The following ZNF543 variants were observed in gnomAD, a reference collection of about 807,000 sequenced individuals.
The protein encoded by ZNF543 is zinc finger protein 543.
A neutral mutation model predicts 13.4 loss-of-function variants in ZNF543; 10 were observed. The ratio of observed to expected loss-of-function variants is 0.75; its 90% CI spans 0.46 to 1.26. The LOEUF (loss-of-function observed/expected upper bound fraction) is 1.26. Ranked by LOEUF, ZNF543 falls within the 50% of genes most tolerant of loss-of-function variation. ZNF543 has a pLI of 0.00. For missense variants in ZNF543, 768 were observed against 741.2 expected (o/e 1.04, Z -0.42); for synonymous variants, 272 against 264.7 (o/e 1.03, Z -0.27).
At position 57,328,796 on chromosome 19, in the gene ZNF543, A is replaced by G. The variant is rs781016493; in HGVS notation, c.1334A>G (p.His445Arg). The G allele has an allele frequency of 6.2e-7, 1 of 1,614,136 alleles. No homozygotes were observed. The highest frequency in any genetic ancestry group is 8.5e-7 in the Non-Finnish European group (1 of 1,180,022). ...ACTTTTGTCTTGCATAAAAGGACCC[A>G]CACAGGAGAAAAACCCTATGAATGC... The part of the protein sequence containing the change: ...CSTFVLHKRT[H>R]TGEKPYECKE... The change falls in exon 4 of 4, where the codon CAC (histidine) becomes CGC (arginine). Residue 445 changes from histidine (H) to arginine (R), a missense_variant. By Grantham distance (29) the His-to-Arg change is conservative. This residue lies in a region of ZNF543 where 677 missense variants were observed against 631.4 expected (regional missense o/e 1.07). Transcript: ENST00000321545.
chr19:57,323,481 C>T (rs1262581667), intron 1 of ZNF543: 9 of 614,326 alleles, frequency 1.5e-5, no homozygotes, highest in Non-Finnish European at 2.6e-5. Flanking sequence ...CGTGAGCCAC[C>T]GCGCCTGACC....
Position 57,328,716 on chromosome 19 carries a change from T to C in ZNF543, c.1254T>C (p.Thr418=). ...TCAAGCAGCATCAACGGATTCACAC[T>C]GGGGAGAAGCCTTATGAATGCAGTG... The part of the protein sequence containing the change: ...SHLKQHQRIH[T]GEKPYECSEC... Residue 418 remains threonine (T), a synonymous_variant, in exon 4 of 4, where the codon ACT becomes ACC. Transcript: ENST00000321545. 6.2e-7 allele frequency: 1 copy of C among 1,613,796 alleles called. No individual in the cohort carries two copies. Among genetic ancestry groups the C allele is most frequent in the South Asian group, 1.1e-5 (1 of 91,062 alleles).
chr19:57,322,555 TCATTAACTGTG>T (rs1283432314), intron 1 of ZNF543, among the ~76,000 whole-genome samples: 1 of 152,062 alleles, frequency 6.6e-6, no homozygotes, highest in East Asian at 1.9e-4. Context: ...TTTCCCATCC[TCATTAACTGTG>T]CATTAACTTT....
At position 57,329,276 on chromosome 19, in the gene ZNF543, C is replaced by G. The variant is rs1337467643; in HGVS notation, c.*11C>G. On this transcript the variant is annotated 3_prime_UTR_variant, in exon 4 of 4. Coordinates refer to ENST00000321545, the MANE Select transcript of ZNF543 (RefSeq NM_213598.4). ...GAAAATCTGTGGTGAAAGGGAACAT[C>G]TTACCATCTGGCCATTCACACTGAA... 3 of 1,584,842 alleles carry G rather than the reference C, an allele frequency of 1.9e-6. No individual in the cohort carries two copies. In the African/African-American group the frequency reaches 4.1e-5, roughly 21 times the overall value.
At chr19:57,324,950 C>T (rs750156983) in intron 2 of ZNF543, among the ~76,000 whole-genome samples, 3 of 152,070 alleles carry the variant, frequency 2.0e-5, no homozygotes, top group Non-Finnish European at 1.5e-5. Context: ...ATTTAAATTG[C>T]TTGGCATATT....
Position 57,328,503 on chromosome 19 carries a change from C to T in ZNF543, c.1041C>T (p.Ala347=). ...KPYECIECGK[A]FNRRSYLTWH... ...ATGAGTGCATTGAGTGTGGGAAGGC[C>T]TTCAACCGCCGGTCATACCTCACGT... The change falls in exon 4 of 4, where the codon GCC becomes GCT. Residue 347 remains alanine (A), a synonymous_variant. Transcript: ENST00000321545. 6.2e-7 allele frequency: 1 copy of T among 1,613,746 alleles called. No individual in the cohort carries two copies. Among genetic ancestry groups the T allele is most frequent in the Non-Finnish European group, 8.5e-7 (1 of 1,179,924 alleles).
Position 57,326,703 on chromosome 19 carries a change from A to T in ZNF543, c.216A>T (p.Lys72Asn). 6.2e-7 allele frequency: 1 copy of T among 1,613,934 alleles called. No homozygotes were observed. The highest frequency in any genetic ancestry group is 8.5e-7 in the Non-Finnish European group (1 of 1,179,980). ...DHRQELWMAT[K>N]DLSQSSYPGD... ...GACAGGAGCTATGGATGGCTACAAA[A>T]GACCTCTCCCAAAGCTCCTATCCAG... Residue 72 changes from lysine (K) to asparagine (N), a missense_variant, in exon 3 of 4, where the codon AAA becomes AAT. By Grantham distance (94) the Lys-to-Asn change is moderately conservative. Transcript: ENST00000321545.
At chr19:57,324,349 C>T (rs1452800861) in intron 2 of ZNF543, among the ~76,000 whole-genome samples, 1 of 126,920 alleles carries the variant, frequency 7.9e-6, no homozygotes, top group Non-Finnish European at 1.6e-5. Flanking sequence ...AGAGAGACTC[C>T]GTCTGAAAAA....
Position 57,328,714 on chromosome 19 carries a change from A to C in ZNF543, c.1252A>C (p.Thr418Pro). Residue 418 changes from threonine (T) to proline (P), a missense_variant, in exon 4 of 4, where the codon ACT (threonine) becomes CCT (proline). Thr to Pro is a conservative substitution (Grantham distance 38, BLOSUM62 -1). Around this residue, in one of 3 missense-constraint regions of ZNF543, gnomAD observed 677 missense variants for 631.4 expected, o/e 1.07. Transcript: ENST00000321545. ...CCTCAAGCAGCATCAACGGATTCACACTGGGGAGAAGCCTTATGAATGCAG... is the reference window on the plus strand; with the variant it reads ...CCTCAAGCAGCATCAACGGATTCACCCTGGGGAGAAGCCTTATGAATGCAG... ...SHLKQHQRIH[T>P]GEKPYECSEC... 6.2e-7 allele frequency: 1 copy of C among 1,613,910 alleles called. No individual in the cohort carries two copies. Among genetic ancestry groups the C allele is most frequent in the Non-Finnish European group, 8.5e-7 (1 of 1,179,980 alleles).
At position 57,328,559 on chromosome 19, in the gene ZNF543, C is replaced by T; in HGVS notation, c.1097C>T (p.Pro366Leu). 1.2e-6 allele frequency: 2 copies of T among 1,613,718 alleles called. No individual in the cohort carries two copies. The highest frequency in any genetic ancestry group is 1.7e-6 in the Non-Finnish European group (2 of 1,179,936). The change falls in exon 4 of 4, where the codon CCC becomes CTC. Residue 366 changes from proline to leucine, a missense_variant. Pro to Leu is a moderately conservative substitution (Grantham distance 98, BLOSUM62 -3). Coordinates refer to ENST00000321545, the MANE Select transcript of ZNF543 (RefSeq NM_213598.4). ...CAACAGATTCACACTGGAGTGAAAC[C>T]CTTTGAATGCAACGAGTGTGGAAAA... ...WHQQIHTGVK[P>L]FECNECGKAF...
At chr19:57,323,395 T>C (rs1480783900) in intron 1 of ZNF543, among the ~76,000 whole-genome samples, 1 of 152,072 alleles carries the variant, frequency 6.6e-6, no homozygotes, top group Non-Finnish European at 1.5e-5. Flanking sequence ...GGTTTCACCA[T>C]GTTAGCCAGG....
At position 57,327,892 on chromosome 19, in the gene ZNF543, G is replaced by T. The variant is rs779289904; in HGVS notation, c.430G>T (p.Gly144Trp). Residue 144 changes from glycine to tryptophan, a missense_variant, in exon 4 of 4, where the codon GGG becomes TGG. Around this residue, in one of 3 missense-constraint regions of ZNF543, gnomAD observed 677 missense variants for 631.4 expected, o/e 1.07. Coordinates refer to ENST00000321545, the MANE Select transcript of ZNF543 (RefSeq NM_213598.4). Reference protein sequence around the residue: ...HLKIGIGPQRGKLLEKMSSER... With the variant: ...HLKIGIGPQRWKLLEKMSSER... The stretch of plus-strand genomic sequence containing the variant: ...GAAAATAGGGATAGGCCCCCAGCGG[G>T]GGAAGCTGCTGGAGAAAATGAGTTC... 5.7e-5 allele frequency: 92 copies of T among 1,614,042 alleles called. No individual in the cohort carries two copies. Among genetic ancestry groups the T allele is most frequent in the Non-Finnish European group, 7.6e-5 (90 of 1,180,060 alleles).
At chr19:57,325,000 A>G (rs1600052731) in intron 2 of ZNF543, among the ~76,000 whole-genome samples, 1 of 152,198 alleles carries the variant, frequency 6.6e-6, no homozygotes. Context: ...TCAGTTATTG[A>G]CATACTATTA....
chr19:57,328,939 C>T lies in ZNF543; in HGVS notation c.1477C>T (p.His493Tyr). 1.2e-6 allele frequency: 2 copies of T among 1,612,644 alleles called. No homozygotes were observed. The highest frequency in any genetic ancestry group is 2.2e-5 in the East Asian group (1 of 44,710). ...ECGKAFNRSS[H>Y]LTRHQQIHTG... ...TGGAAAGGCCTTCAACCGCAGCTCA[C>T]ACCTCACGAGGCACCAACAGATTCA... The change falls in exon 4 of 4, where the codon CAC becomes TAC. Residue 493 changes from histidine (H) to tyrosine (Y), a missense_variant. Physicochemically the swap from His to Tyr is moderately conservative, Grantham distance 83. This residue lies in a region of ZNF543 where 677 missense variants were observed against 631.4 expected (regional missense o/e 1.07). Coordinates refer to ENST00000321545, the MANE Select transcript of ZNF543 (RefSeq NM_213598.4).
At position 57,327,920 on chromosome 19, in the gene ZNF543, A is replaced by G. The variant is rs537713157; in HGVS notation, c.458A>G (p.Glu153Gly). Residue 153 changes from glutamate to glycine, a missense_variant, in exon 4 of 4, where the codon GAA becomes GGA. This residue lies in a region of ZNF543 where 677 missense variants were observed against 631.4 expected (regional missense o/e 1.07). Transcript: ENST00000321545. The part of the protein sequence containing the change: ...RGKLLEKMSS[E>G]RDGLGSDDGV... ...AAGCTGCTGGAGAAAATGAGTTCTGAACGTGATGGTTTGGGGTCAGATGAT... is the reference window on the plus strand; with the variant it reads ...AAGCTGCTGGAGAAAATGAGTTCTGGACGTGATGGTTTGGGGTCAGATGAT... 8.9e-5 allele frequency: 144 copies of G among 1,614,198 alleles called. 3 individuals carry two copies. In the South Asian group the frequency reaches 1.6e-3, roughly 17 times the overall value.
At chr19:57,326,181 GT>G (rs1175066453) in intron 2 of ZNF543, among the ~76,000 whole-genome samples, 1 of 151,572 alleles carries the variant, frequency 6.6e-6, no homozygotes, top group East Asian at 1.9e-4. Context: ...CAATGAGGAT[GT>G]TTTTTTTCTC....
At position 57,320,704 on chromosome 19, in the gene ZNF543, C is replaced by T. The variant is rs1173594761; in HGVS notation, c.-150C>T. On this transcript the variant is annotated 5_prime_UTR_variant, in exon 1 of 4. Coordinates refer to ENST00000321545, the MANE Select transcript of ZNF543 (RefSeq NM_213598.4). ...GCCCTCCGTCTCCTCAGCCCCGACGCTGCGCCCGCTTTGTGCGCATTTTTC... is the reference window on the plus strand; with the variant it reads ...GCCCTCCGTCTCCTCAGCCCCGACGTTGCGCCCGCTTTGTGCGCATTTTTC... The T allele has an allele frequency of 7.0e-6, 7 of 999,682 alleles. No individual in the cohort carries two copies. The highest frequency in any genetic ancestry group is 8.5e-6 in the Non-Finnish European group (6 of 708,028). 61.9% of individuals were successfully genotyped at this position (999,682 alleles called of 1,614,324 possible).
chr19:57,323,256 A>G (rs544081799), intron 1 of ZNF543, among the ~76,000 whole-genome samples: 1,558 of 149,588 alleles, frequency 0.01, 26 homozygotes, highest in African/African-American at 0.036. Flanking sequence ...CAGTGGCACG[A>G]TCTCGGCTCA....
At chr19:57,324,948 T>A (rs1600052699) in intron 2 of ZNF543, among the ~76,000 whole-genome samples, 2 of 152,234 alleles carry the variant, frequency 1.3e-5, no homozygotes, top group Non-Finnish European at 2.9e-5. Flanking sequence ...GCATTTAAAT[T>A]GCTTGGCATA....
Sources: gnomAD v4.1 joint callset for allele counts (sites outside exome capture counted in the v4.1 genomes callset) on GRCh38, gnomAD v4.1.1 for gene constraint, gnomAD v4.1.1 regional missense constraint, MANE v1.5 for transcripts, NCBI Gene and HGNC (gene_info 2026-07-23, HGNC 2026-07-21) for gene names.